FBXL2: variants seen among roughly 807,000 people sequenced by gnomAD.
FBXL2 encodes the protein F-box and leucine rich repeat protein 2.
A neutral mutation model predicts 69.2 loss-of-function variants in FBXL2; 38 were observed. The observed-to-expected ratio is 0.55, with a 90% CI of 0.42 to 0.72. The LOEUF (loss-of-function observed/expected upper bound fraction) is 0.72, where lower values mean the gene tolerates loss of function less well. Among genes scored for constraint, FBXL2 ranks in the 30% least tolerant of loss-of-function variants. The probability of loss-of-function intolerance (pLI) is 0.00; values close to 1 mark genes in which losing one functional copy is unlikely to be tolerated. For missense variants in FBXL2, 354 were observed against 520.3 expected (o/e 0.68, Z 3.11); for synonymous variants, 192 against 201.3 (o/e 0.95, Z 0.39).
At chr3:33,366,808 C>CA (rs1393802801) in intron 5 of FBXL2, among the ~76,000 whole-genome samples, 2 of 151,768 alleles carry the variant, frequency 1.3e-5, no homozygotes, top group Admixed American at 1.3e-4. Context: ...ACTAAAAATA[C>CA]AAAAAATTAG....
chr3:33,277,477 A>G lies in FBXL2; in HGVS notation c.-36A>G. On this transcript the variant is annotated 5_prime_UTR_variant, in exon 1 of 15. Transcript: ENST00000484457. ...CAACGGGCGTCGCCGGCGCCGTGTG[A>G]CTTCGGGCTGTGGGCTCGCTCGCGG... 7.8e-7 allele frequency: 1 copy of G among 1,285,638 alleles called. No homozygotes were observed. Among genetic ancestry groups the G allele is most frequent in the African/African-American group, 1.5e-5 (1 of 65,134 alleles). 79.6% of individuals were successfully genotyped at this position (1,285,638 alleles called of 1,614,324 possible). A position where few individuals can be genotyped will look rare whatever the true frequency, so the allele number is the denominator to read the frequency against.
At chr3:33,422,377 A>G in the FBXL2 span, among the ~76,000 whole-genome samples, 39,186 of 151,878 alleles carry the variant, frequency 0.26, 5,955 homozygotes, top group East Asian at 0.47. Flanking sequence ...CCTGTCTCTA[A>G]AAACAAACAA....
chr3:33,309,839 GC>G, intron 2 of FBXL2, among the ~76,000 whole-genome samples: 1 of 152,048 alleles, frequency 6.6e-6, no homozygotes, highest in Middle Eastern at 3.4e-3. Flanking sequence ...TACAGTTATA[GC>G]ACGCTATTTT....
chr3:33,290,058 A>G (rs1050528629), intron 1 of FBXL2, among the ~76,000 whole-genome samples: 1 of 152,222 alleles, frequency 6.6e-6, no homozygotes, highest in African/African-American at 2.4e-5. Flanking sequence ...ACCAAGGACA[A>G]CACCCTAGCT....
intron 7 of FBXL2, 109 bp downstream of exon 7, chr3:33,373,464 G>A: frequency 6.5e-7 from 1 of 1,538,346 alleles, no homozygotes; most frequent in Non-Finnish European, 9.0e-7. Flanking sequence ...GACTCCAAGA[G>A]GTCCCAGGCA....
At chr3:33,400,139 A>G (rs2044166331) in intron 12 of FBXL2, 1 of 1,246,716 alleles carries the variant, frequency 8.0e-7, no homozygotes, top group Non-Finnish European at 1.1e-6. Flanking sequence ...AAAGCACAGA[A>G]ACAAAAACAA....
chr3:33,351,262 C>T (rs574305615), intron 2 of FBXL2, among the ~76,000 whole-genome samples: 1 of 151,904 alleles, frequency 6.6e-6, no homozygotes, highest in Non-Finnish European at 1.5e-5. Context: ...AAGATTCTGT[C>T]TCAAAAAAAT....
intron 1 of FBXL2, among the ~76,000 whole-genome samples, chr3:33,288,350 A>G (rs904100696): frequency 6.6e-6 from 1 of 152,204 alleles, no homozygotes; most frequent in African/African-American, 2.4e-5. Flanking sequence ...GCGCAAACCG[A>G]GTATGGCTCT....
At chr3:33,370,574 T>G (rs1028804002) in intron 5 of FBXL2, among the ~76,000 whole-genome samples, 2 of 152,120 alleles carry the variant, frequency 1.3e-5, no homozygotes, top group Non-Finnish European at 2.9e-5. Flanking sequence ...TAACATGGCT[T>G]TGTTTTCTGG....
intron 2 of FBXL2, among the ~76,000 whole-genome samples, chr3:33,353,626 C>G (rs543484502): frequency 4.6e-5 from 7 of 152,198 alleles, no homozygotes; most frequent in African/African-American, 1.7e-4. Flanking sequence ...CAGTGGCTCA[C>G]GCCTGTAATC....
rs1177402794 is a variant in FBXL2, at chr3:33,282,668, C to T, written c.3+5153C>T. 3.3e-5 allele frequency among the ~76,000 whole-genome samples: 5 copies of T among 152,142 alleles called. No homozygotes were observed. In the East Asian group the frequency reaches 9.6e-4, roughly 29 times the overall value. On this transcript the variant is annotated intron_variant, in intron 1 of 14. Transcript: ENST00000484457. The stretch of plus-strand genomic sequence containing the variant: ...GGCCATTTTCACGATATTGATTCTT[C>T]CTAGCCATGAGCATGGAATGTTCTT...
At chr3:33,365,425 G>A (rs1373479043) in intron 5 of FBXL2, among the ~76,000 whole-genome samples, 7 of 151,874 alleles carry the variant, frequency 4.6e-5, no homozygotes, top group Non-Finnish European at 8.8e-5. Context: ...GATTACAGGC[G>A]TGCACCACCA....
chr3:33,364,504 CA>C, intron 4 of FBXL2, 120 bp from the exon 5 acceptor site: 1 of 894,466 alleles, frequency 1.1e-6, no homozygotes, highest in Admixed American at 1.9e-5. Context: ...AGGAATGTTC[CA>C]AAATATTTTC....
chr3:33,367,005 T>C (rs2041994993), intron 5 of FBXL2, among the ~76,000 whole-genome samples: 1 of 152,210 alleles, frequency 6.6e-6, no homozygotes, highest in South Asian at 2.1e-4. Context: ...ACAATTTGTA[T>C]TTTTTAAAAA....
intron 2 of FBXL2, among the ~76,000 whole-genome samples, chr3:33,346,836 A>T (rs1575285524): frequency 2.0e-5 from 3 of 151,846 alleles, no homozygotes; most frequent in Admixed American, 1.3e-4. Flanking sequence ...TTAAAAAAAA[A>T]TTTTGTGGAT....
At chr3:33,378,971 T>C in intron 13 of FBXL2, 1 of 788,518 alleles carries the variant, frequency 1.3e-6, no homozygotes, top group Non-Finnish European at 1.9e-6. Flanking sequence ...TCCAGATGGT[T>C]TTGTTGGGGA....
chr3:33,395,768 A>AG (rs1559666894), intron 12 of FBXL2, among the ~76,000 whole-genome samples: 1 of 150,100 alleles, frequency 6.7e-6, no homozygotes, highest in African/African-American at 2.4e-5. Context: ...AAAAAAAAAA[A>AG]AAAAAGAAAA....
chr3:33,399,350 C>A (rs1475263370), intron 12 of FBXL2, among the ~76,000 whole-genome samples: 2 of 152,160 alleles, frequency 1.3e-5, no homozygotes, highest in Non-Finnish European at 2.9e-5. Context: ...CCTGGAGAAG[C>A]AGTGCTTGAT....
chr3:33,390,722 G>A (rs1194409593), downstream of FBXL2: 9 of 259,164 alleles, frequency 3.5e-5, no homozygotes, highest in Non-Finnish European at 5.3e-5. Flanking sequence ...CTGTGTCAGG[G>A]CAGAGGACCT....
Sources: gnomAD v4.1 joint callset for allele counts (sites outside exome capture counted in the v4.1 genomes callset) on GRCh38, gnomAD v4.1.1 for gene constraint, MANE v1.5 for transcripts, NCBI Gene and HGNC (gene_info 2026-07-23, HGNC 2026-07-21) for gene names.